The following ABLIM2 variants were observed in gnomAD, a reference collection of about 807,000 sequenced individuals.
The protein encoded by ABLIM2 is actin binding LIM protein family member 2, also known as actin-binding LIM protein 2.
In ABLIM2, 53 loss-of-function variants were observed where a neutral mutation model predicts 97.7. The ratio of observed to expected loss-of-function variants is 0.54; its 90% CI spans 0.44 to 0.68. The LOEUF is 0.68. Ranked by LOEUF, ABLIM2 falls within the 30% of genes least tolerant of loss-of-function variation. The probability of loss-of-function intolerance (pLI) is 0.00; values close to 1 mark genes in which losing one functional copy is unlikely to be tolerated. For missense variants in ABLIM2, 835 were observed against 867.2 expected, an observed-to-expected ratio of 0.96 and a Z score of 0.47; for synonymous variants, 361 against 345.8, an observed-to-expected ratio of 1.04 and a Z score of -0.49.
At chr4:8,086,730 G>A (rs1248052772) in intron 4 of ABLIM2, among the ~76,000 whole-genome samples, 1 of 152,022 alleles carries the variant, frequency 6.6e-6, no homozygotes, top group Non-Finnish European at 1.5e-5. Flanking sequence ...TTGCCATAGA[G>A]CTTTTGATTA....
intron 2 of ABLIM2, among the ~76,000 whole-genome samples, chr4:8,098,042 C>T (rs543469033): frequency 6.6e-6 from 1 of 152,330 alleles, no homozygotes; most frequent in Admixed American, 6.5e-5. Context: ...CTGGTCACCA[C>T]CAGCTCAGAG....
At chr4:7,991,825 G>A (rs1007725007) in intron 17 of ABLIM2, among the ~76,000 whole-genome samples, 4 of 152,060 alleles carry the variant, frequency 2.6e-5, no homozygotes, top group Non-Finnish European at 4.4e-5. Context: ...TGAAGGAGAC[G>A]GAGAGAACAA....
chr4:8,131,392 G>T (rs1421944961), intron 1 of ABLIM2, among the ~76,000 whole-genome samples: 1 of 152,166 alleles, frequency 6.6e-6, no homozygotes, highest in East Asian at 1.9e-4. Flanking sequence ...TCCTGCCAGG[G>T]ACTGGGTCGC....
Position 8,046,621 on chromosome 4 carries a change from G to A in ABLIM2, c.823-1380C>T, listed in dbSNP as rs1001730641. Among the ~76,000 whole-genome samples the A allele has an allele frequency of 3.3e-5, 5 of 152,098 alleles. No individual in the cohort carries two copies. Among genetic ancestry groups the A allele is most frequent in the Middle Eastern group, 3.4e-3 (1 of 294 alleles). On this transcript the variant is annotated intron_variant, in intron 8 of 20. Transcript: ENST00000447017. The surrounding 1 kb of genome is among the most constrained non-coding windows in gnomAD (Gnocchi z 4.4). The stretch of plus-strand genomic sequence containing the variant: ...TTTTCTTGCCACCCCCAACAATTCT[G>A]TCCTGCCCATTTCAGGGGCCCATCC...
chr4:8,006,822 G>A lies in ABLIM2; in HGVS notation c.1618+1237C>T, dbSNP rs527866430. ...TGCAGATGAGGTGGGCAGTTCCTCC[G>A]GAAGGAGCAGGCTGCCATCTGGGGT... is the stretch of plus-strand genomic sequence containing the variant. On this transcript the variant is annotated intron_variant, in intron 16 of 20. Coordinates refer to ENST00000447017, the MANE Select transcript of ABLIM2 (RefSeq NM_001130083.2). Among the ~76,000 whole-genome samples the A allele has an allele frequency of 5.9e-5, 9 of 152,348 alleles. No individual in the cohort carries two copies. The East Asian group carries it at 9.7e-4, about 16-fold the overall frequency.
intron 1 of ABLIM2, among the ~76,000 whole-genome samples, chr4:8,152,344 C>T (rs1015476293): frequency 2.0e-5 from 3 of 152,236 alleles, no homozygotes; most frequent in African/African-American, 4.8e-5. Flanking sequence ...TGACACCAGG[C>T]ACCAGACGGG....
At chr4:7,976,920 C>T (rs114254223) in intron 20 of ABLIM2, among the ~76,000 whole-genome samples, 1 of 129,994 alleles carries the variant, frequency 7.7e-6, no homozygotes, top group African/African-American at 2.9e-5. Flanking sequence ...CACACACATA[C>T]ACACATACAC....
chr4:7,973,376 C>A (rs946586281), intron 20 of ABLIM2, among the ~76,000 whole-genome samples: 6 of 150,240 alleles, frequency 4.0e-5, no homozygotes, highest in Admixed American at 3.9e-4. Context: ...TGGTACATGC[C>A]TGTAGTCCCA....
In ABLIM2 at chr4:8,120,673, G is replaced by A. The variant is rs1430101643; in HGVS notation, c.11-14036C>T. On this transcript the variant is annotated intron_variant, in intron 1 of 20. Transcript: ENST00000447017. The surrounding 1 kb of genome is among the most constrained non-coding windows in gnomAD (Gnocchi z 5.6). ...TGTGTGCTCTGTCGTGGGAGCATGGGAAACCAGCAGGAGCACTTCTCAGCT... is the reference window on the plus strand; with the variant it reads ...TGTGTGCTCTGTCGTGGGAGCATGGAAAACCAGCAGGAGCACTTCTCAGCT... Among the ~76,000 whole-genome samples the A allele has an allele frequency of 6.6e-6, 1 of 152,180 alleles. No homozygotes were observed. Among genetic ancestry groups the A allele is most frequent in the African/African-American group, 2.4e-5 (1 of 41,446 alleles).
chr4:8,086,822 C>G (rs938733315), intron 4 of ABLIM2, among the ~76,000 whole-genome samples: 2 of 151,346 alleles, frequency 1.3e-5, no homozygotes, highest in Non-Finnish European at 2.9e-5. Context: ...AATAAAACCA[C>G]GTTTACATTA....
intron 3 of ABLIM2, among the ~76,000 whole-genome samples, chr4:8,092,887 C>T (rs865889475): frequency 1.3e-5 from 2 of 152,286 alleles, no homozygotes; most frequent in Middle Eastern, 6.8e-3. Flanking sequence ...CTCCCTCTGT[C>T]ACCCAGGCTG....
chr4:8,092,462 T>G (rs531697966), intron 3 of ABLIM2, among the ~76,000 whole-genome samples: 1 of 152,276 alleles, frequency 6.6e-6, no homozygotes, highest in East Asian at 1.9e-4. Context: ...ACATGTAAAA[T>G]GTAAAACAGA....
rs757326290 is a variant in ABLIM2 at position 7,983,534 on chromosome 4, C to T, written c.1743+13G>A. The T allele has an allele frequency of 8.7e-6, 14 of 1,612,776 alleles. No homozygotes were observed. Among genetic ancestry groups the T allele is most frequent in the African/African-American group, 6.7e-5 (5 of 74,894 alleles). ...CGCGGCACGGAGGTCAGTGTGGGAG[C>T]GGCCCCGCTTACCTTGTATTCTGTA... On this transcript the variant is annotated intron_variant, in intron 19 of 20. Coordinates refer to ENST00000447017, the MANE Select transcript of ABLIM2 (RefSeq NM_001130083.2).
At chr4:7,977,563 G>T (rs2149523322) in intron 20 of ABLIM2, among the ~76,000 whole-genome samples, 1 of 152,240 alleles carries the variant, frequency 6.6e-6, no homozygotes, top group East Asian at 1.9e-4. Context: ...GCTGAAGTGG[G>T]GGGATCACCA....
chr4:8,051,786 T>G (rs1796213273), intron 8 of ABLIM2, among the ~76,000 whole-genome samples: 1 of 152,118 alleles, frequency 6.6e-6, no homozygotes, highest in East Asian at 1.9e-4. Context: ...CACCCCCACA[T>G]ATCCACATGT....
In ABLIM2 at chr4:8,150,411, G is replaced by A. The variant is rs1030100832; in HGVS notation, c.10+8269C>T. 3.3e-5 allele frequency among the ~76,000 whole-genome samples: 5 copies of A among 152,196 alleles called. No homozygotes were observed. Among genetic ancestry groups the A allele is most frequent in the Admixed American group, 2.6e-4 (4 of 15,280 alleles). The stretch of plus-strand genomic sequence containing the variant: ...CATTCTACCTGAGTGGCTTTCAGGG[G>A]AGCCAGTACAAGGCCCCATCGTGCC... On this transcript the variant is annotated intron_variant, in intron 1 of 20. Coordinates refer to ENST00000447017, the MANE Select transcript of ABLIM2 (RefSeq NM_001130083.2). This position sits in a 1 kb window ranked among gnomAD's most constrained non-coding sequence, Gnocchi z 6.3.
chr4:7,967,048 A>T lies in ABLIM2; in HGVS notation c.1880T>A (p.Phe627Tyr), dbSNP rs770682563. 6.2e-7 allele frequency: 1 copy of T among 1,613,954 alleles called. No individual in the cohort carries two copies. The highest frequency in any genetic ancestry group is 1.7e-5 in the Admixed American group (1 of 60,026). Residue 627 changes from phenylalanine to tyrosine, a missense_variant, in exon 21 of 21, where the codon TTT becomes TAT. Physicochemically the swap from Phe to Tyr is conservative, Grantham distance 22. Coordinates refer to ENST00000447017, the MANE Select transcript of ABLIM2 (RefSeq NM_001130083.2). ...CCTCTTCCAGAGGGCCAGGCGGTCA[A>T]ACTCCTCGATGCTCATCCCAAACAC... The part of the protein sequence containing the change: ...QEVFGMSIEE[F>Y]DRLALWKRND...
At chr4:8,104,150 G>A (rs1282932571) in intron 2 of ABLIM2, among the ~76,000 whole-genome samples, 1 of 152,210 alleles carries the variant, frequency 6.6e-6, no homozygotes, top group Non-Finnish European at 1.5e-5. Flanking sequence ...GCCTGGGCGG[G>A]GGATCCCGAG....
At position 7,983,333 on chromosome 4, in the gene ABLIM2, A is replaced by G. The variant is rs771145414; in HGVS notation, c.1755T>C (p.Tyr585=). Residue 585 remains tyrosine (Y), a synonymous_variant, in exon 20 of 21, where the codon TAT becomes TAC. Transcript: ENST00000447017. The part of the protein sequence containing the change: ...WGMREYKIYP[Y]DSLIVTNRIR... ...TTCGGTTTGTGACGATGAGGGAGTC[A>G]TACGGATAGATCTGTTGGGGGAGGA... is the stretch of plus-strand genomic sequence containing the variant. 6.2e-7 allele frequency: 1 copy of G among 1,612,062 alleles called. No homozygotes were observed. The highest frequency in any genetic ancestry group is 1.7e-5 in the Admixed American group (1 of 59,806).
Sources: gnomAD v4.1 joint callset for allele counts (sites outside exome capture counted in the v4.1 genomes callset) on GRCh38, gnomAD v4.1.1 for gene constraint, Gnocchi (gnomAD v3.1) non-coding constraint, MANE v1.5 for transcripts, NCBI Gene and HGNC (gene_info 2026-07-23, HGNC 2026-07-21) for gene names.